Variants in EVA1C observed in about 807,000 individuals in gnomAD.
The protein encoded by EVA1C is protein eva-1 homolog C.
A neutral mutation model predicts 45.4 loss-of-function variants in EVA1C; 25 were observed. The ratio of observed to expected loss-of-function variants is 0.55; its 90% CI spans 0.40 to 0.77. EVA1C has a LOEUF of 0.77. EVA1C is among the 30% of genes least tolerant of loss of function. The pLI is 0.00. For missense variants in EVA1C, 479 were observed against 554.8 expected, an observed-to-expected ratio of 0.86 and a Z score of 1.37; for synonymous variants, 190 against 221.2, an observed-to-expected ratio of 0.86 and a Z score of 1.25.
chr21:32,475,157 C>T (rs1324696910), intron 4 of EVA1C, among the ~76,000 whole-genome samples: 1 of 152,118 alleles, frequency 6.6e-6, no homozygotes, highest in Non-Finnish European at 1.5e-5. Context: ...TTCCTCTTGC[C>T]TATAAGTTAA....
intron 4 of EVA1C, among the ~76,000 whole-genome samples, chr21:32,488,092 T>C (rs1223268715): frequency 6.6e-6 from 1 of 152,168 alleles, no homozygotes; most frequent in East Asian, 1.9e-4. Context: ...CAGAGATTAA[T>C]TGCAAGAAAA....
At position 32,412,729 on chromosome 21, in the gene EVA1C, A is replaced by AGGGAGGCGGC; in HGVS notation, c.-121_-112dup. On this transcript the variant is annotated 5_prime_UTR_variant, in exon 1 of 8. Coordinates refer to ENST00000300255, the MANE Select transcript of EVA1C (RefSeq NM_058187.5). ...GGGAGGAGGCTCTGGCAGCCTGGGC[A>AGGGAGGCGGC]GGGAGGCGGCGGGGGGCCGCGGAGC... 1 of 1,021,334 alleles carries AGGGAGGCGGC rather than the reference A, an allele frequency of 9.8e-7. No individual in the cohort carries two copies. 63.3% of individuals were successfully genotyped at this position (1,021,334 alleles called of 1,614,324 possible). A position where few individuals can be genotyped will look rare whatever the true frequency, so the allele number is the denominator to read the frequency against.
rs2038085126 is a variant in EVA1C at position 32,514,854 on chromosome 21, C to T, written c.990C>T (p.Val330=). ...CTGCCCTGCTGTTCGTGTCCAGTGT[C>T]TGCATCGGCCTGGCCCTCACACTGT... The part of the protein sequence containing the change: ...ERAALLFVSS[V]CIGLALTLCA... The change falls in exon 8 of 8, where the codon GTC becomes GTT. Residue 330 remains valine (V), a synonymous_variant. Transcript: ENST00000300255. 1.0e-5 allele frequency: 16 copies of T among 1,600,846 alleles called. No individual in the cohort carries two copies. The highest frequency in any genetic ancestry group is 1.4e-5 in the Non-Finnish European group (16 of 1,172,182).
chr21:32,446,098 C>G (rs2146219846), intron 1 of EVA1C, among the ~76,000 whole-genome samples: 1 of 152,196 alleles, frequency 6.6e-6, no homozygotes, highest in African/African-American at 2.4e-5. Context: ...AAAAAAATAG[C>G]CAGGTGTGGT....
chr21:32,510,360 C>T (rs2037908898), intron 7 of EVA1C, among the ~76,000 whole-genome samples: 4 of 152,082 alleles, frequency 2.6e-5, no homozygotes, highest in Admixed American at 2.6e-4. Context: ...CGGCCGATTT[C>T]CGCCATTACT....
intron 3 of EVA1C, among the ~76,000 whole-genome samples, chr21:32,459,886 TTGGAGACC>T (rs1340721037): frequency 2.0e-5 from 3 of 148,726 alleles, no homozygotes; most frequent in Non-Finnish European, 4.4e-5. Flanking sequence ...ATATTAACAA[TTGGAGACC>T]TGAGGTGGTG....
chr21:32,476,988 C>A (rs1259951646), intron 4 of EVA1C, among the ~76,000 whole-genome samples: 1 of 152,148 alleles, frequency 6.6e-6, no homozygotes, highest in Non-Finnish European at 1.5e-5. Flanking sequence ...CGGCCACACA[C>A]CCCACTCTGC....
intron 1 of EVA1C, among the ~76,000 whole-genome samples, chr21:32,422,523 G>A (rs2034320548): frequency 1.3e-5 from 2 of 152,158 alleles, no homozygotes; most frequent in Admixed American, 6.5e-5. Context: ...ATACCTGAAT[G>A]TGTCATACTG....
At chr21:32,501,643 T>C in intron 6 of EVA1C, 148 bp downstream of exon 6, 1 of 912,960 alleles carries the variant, frequency 1.1e-6, no homozygotes, top group South Asian at 2.2e-5. Flanking sequence ...ATAGCGCTTA[T>C]TATCGGCCAA....
At position 32,474,090 on chromosome 21, in the gene EVA1C, G is replaced by A; in HGVS notation, c.634+6242G>A. ...CTACAGGTGCATGCCACCATGCCTG[G>A]CATGGTGGAGATGAAGTCTTGCTAT... On this transcript the variant is annotated intron_variant, in intron 4 of 7. Transcript: ENST00000300255. The surrounding 1 kb of genome is among the most constrained non-coding windows in gnomAD (Gnocchi z 4.4). 1 of 321,790 alleles carries A rather than the reference G, an allele frequency of 3.1e-6. No homozygotes were observed. The highest frequency in any genetic ancestry group is 4.5e-6 in the Non-Finnish European group (1 of 223,634). The allele number at this position is 321,790 out of a possible 1,614,324, so 19.9% of individuals were successfully genotyped here. A position where few individuals can be genotyped will look rare whatever the true frequency, so the allele number is the denominator to read the frequency against.
chr21:32,489,882 A>T (rs917379787), intron 4 of EVA1C, among the ~76,000 whole-genome samples: 1 of 152,090 alleles, frequency 6.6e-6, no homozygotes, highest in Admixed American at 6.6e-5. Context: ...GCTCACCGCA[A>T]CCTCTGCCTC....
At chr21:32,438,086 A>G (rs1047052556) in intron 1 of EVA1C, among the ~76,000 whole-genome samples, 3 of 152,104 alleles carry the variant, frequency 2.0e-5, no homozygotes, top group African/African-American at 4.8e-5. Flanking sequence ...TTGATCTCCA[A>G]ACTCAGAGCC....
In EVA1C at chr21:32,468,387, C is replaced by CAAA. The variant is rs140254891; in HGVS notation, c.634+540_634+542dup. On this transcript the variant is annotated intron_variant, in intron 4 of 7. Transcript: ENST00000300255. ...GACCCTGTCTCAAAAAACAAACAAA[C>CAAA]AAACAAAAAAACAAAACAAACAAAA... Among the ~76,000 whole-genome samples the CAAA allele has an allele frequency of 3.1e-3, 452 of 143,852 alleles. 7 individuals carry two copies. In the East Asian group the frequency reaches 0.045, roughly 14 times the overall value. 94.4% of individuals were successfully genotyped at this position (143,852 alleles called of 152,430 possible).
intron 1 of EVA1C, among the ~76,000 whole-genome samples, chr21:32,429,632 G>GCC (rs2034622421): frequency 1.3e-5 from 2 of 152,148 alleles, no homozygotes; most frequent in Middle Eastern, 3.2e-3. Context: ...GAGATTACAG[G>GCC]TATGAGTCAC....
In EVA1C at chr21:32,432,191, G is replaced by A. The variant is rs141503339; in HGVS notation, c.160+19178G>A. On this transcript the variant is annotated intron_variant, in intron 1 of 7. Transcript: ENST00000300255. ...CAGCAATGGTATCATGTTCTTCTCTGTGCATCACATCAGGAGGGACATGCT... is the reference window on the plus strand; with the variant it reads ...CAGCAATGGTATCATGTTCTTCTCTATGCATCACATCAGGAGGGACATGCT... Among the ~76,000 whole-genome samples the A allele has an allele frequency of 9.6e-3, 1,461 of 152,094 alleles. 25 individuals carry two copies. The highest frequency in any genetic ancestry group is 0.033 in the African/African-American group (1,370 of 41,464).
At chr21:32,457,792 T>G (rs1366309035) in intron 3 of EVA1C, 72 bp downstream of exon 3, 2 of 1,573,264 alleles carry the variant, frequency 1.3e-6, no homozygotes, top group Non-Finnish European at 1.7e-6. Flanking sequence ...TGGTCAAAAT[T>G]CTCTGCCCGT....
At chr21:32,477,737 CCCCTCCCCTCCCCCGT>C in intron 4 of EVA1C, among the ~76,000 whole-genome samples, 3 of 42,846 alleles carry the variant, frequency 7.0e-5, no homozygotes, top group South Asian at 1.2e-3. Flanking sequence ...CGTACGCCCT[CCCCTCCCCTCCCCCGT>C]ACGCCCTCCC....
At chr21:32,481,031 A>G (rs1601384830) in intron 4 of EVA1C, among the ~76,000 whole-genome samples, 1 of 152,194 alleles carries the variant, frequency 6.6e-6, no homozygotes, top group South Asian at 2.1e-4. Flanking sequence ...GAACATTTAC[A>G]CACAGAAAAG....
chr21:32,428,334 T>A (rs1402639692), intron 1 of EVA1C: 1 of 152,176 alleles, frequency 6.6e-6, no homozygotes, highest in African/African-American at 2.4e-5. Flanking sequence ...GAAGCTTAAG[T>A]GGAGTGCCAG....
Sources: allele counts gnomAD v4.1 joint callset (sites outside exome capture counted in the v4.1 genomes callset), GRCh38; gene constraint gnomAD v4.1.1; non-coding constraint Gnocchi (gnomAD v3.1); transcripts MANE v1.5; gene names NCBI Gene and HGNC (gene_info 2026-07-23, HGNC 2026-07-21).